Variants in MAP7D2 observed in about 807,000 individuals in gnomAD.
The protein encoded by MAP7D2 is MAP7 domain containing 2.
In MAP7D2, 33 loss-of-function variants were observed where a neutral mutation model predicts 63.5. That is an observed-to-expected ratio of 0.52 (90% CI 0.39 to 0.70). MAP7D2 has a LOEUF of 0.70. Ranked by LOEUF, MAP7D2 falls within the 30% of genes least tolerant of loss-of-function variation. MAP7D2 has a pLI of 0.00. For synonymous variants in MAP7D2, 224 were observed against 223.7 expected, an observed-to-expected ratio of 1.00 and a Z score of -0.01; for missense variants, 626 against 604.0, an observed-to-expected ratio of 1.04 and a Z score of -0.38.
At chrX:20,010,359 G>A (rs1030671151) in intron 16 of MAP7D2, among the ~76,000 whole-genome samples, 9 of 112,142 alleles carry the variant, frequency 8.0e-5, no homozygotes, top group African/African-American at 2.9e-4. Context: ...CAAATCCTGT[G>A]GCCCTGTATA....
chrX:20,088,309 T>G (rs1174093251), intron 1 of MAP7D2, among the ~76,000 whole-genome samples: 2 of 105,477 alleles, frequency 1.9e-5, no homozygotes, highest in Non-Finnish European at 3.9e-5. Context: ...TTTTTTTTTT[T>G]TGAGACGGAG....
At chrX:20,036,485 AC>A (rs1321081323) in intron 8 of MAP7D2, among the ~76,000 whole-genome samples, 1 of 105,879 alleles carries the variant, frequency 9.4e-6, no homozygotes, top group East Asian at 3.1e-4. Context: ...CTTGTGATCC[AC>A]CCACCTTGGC....
intron 1 of MAP7D2, among the ~76,000 whole-genome samples, chrX:20,104,235 A>G (rs1373829723): frequency 5.3e-5 from 6 of 112,617 alleles, no homozygotes; most frequent in African/African-American, 1.9e-4. Context: ...GAGGAGAGGA[A>G]AAAGGGAGAG....
chrX:20,101,691 T>C (rs2066441263), intron 1 of MAP7D2, among the ~76,000 whole-genome samples: 1 of 112,380 alleles, frequency 8.9e-6, no homozygotes, highest in Admixed American at 9.4e-5. Context: ...TGTGATACAG[T>C]CACACAAAGT....
chrX:20,057,583 C>T (rs2065097480), intron 3 of MAP7D2, among the ~76,000 whole-genome samples: 1 of 111,765 alleles, frequency 8.9e-6, no homozygotes, highest in Admixed American at 9.5e-5. Flanking sequence ...CTTGCTGCTG[C>T]AGTGAAGGTG....
intron 13 of MAP7D2, 97 bp downstream of exon 13, chrX:20,013,472 G>C: frequency 1.3e-6 from 1 of 783,750 alleles, no homozygotes; most frequent in Non-Finnish European, 1.8e-6. Flanking sequence ...TTTTTTTCTG[G>C]CTAATCGTCG....
intron 3 of MAP7D2, among the ~76,000 whole-genome samples, chrX:20,061,005 G>T (rs906125871): frequency 1.9e-5 from 2 of 107,422 alleles, no homozygotes; most frequent in East Asian, 6.0e-4. Flanking sequence ...AGAGAGGCAG[G>T]ATTTGGTGGG....
intron 5 of MAP7D2, among the ~76,000 whole-genome samples, chrX:20,051,231 C>T (rs1038994240): frequency 3.6e-5 from 4 of 111,323 alleles, no homozygotes; most frequent in Non-Finnish European, 7.5e-5. Context: ...AATTAGCCCA[C>T]CTCCCAGATG....
At chrX:20,093,960 G>C (rs1025966775) in intron 1 of MAP7D2, among the ~76,000 whole-genome samples, 7 of 111,288 alleles carry the variant, frequency 6.3e-5, no homozygotes, top group African/African-American at 2.3e-4. Context: ...ATAAAACCAT[G>C]TCCAAAGCAC....
intron 4 of MAP7D2, 117 bp downstream of exon 4, chrX:20,056,563 A>C: frequency 1.9e-6 from 1 of 538,662 alleles, no homozygotes; most frequent in Non-Finnish European, 3.1e-6. Flanking sequence ...GGTGCCTCTG[A>C]AAAGCTGTGC....
At chrX:20,073,234 A>G (rs2065552044) in intron 1 of MAP7D2, among the ~76,000 whole-genome samples, 1 of 112,011 alleles carries the variant, frequency 8.9e-6, no homozygotes, top group African/African-American at 3.2e-5. Flanking sequence ...TATGTGGTAC[A>G]TGTGAGTATG....
chrX:20,041,781 T>A (rs923777041), intron 8 of MAP7D2, among the ~76,000 whole-genome samples: 2 of 112,365 alleles, frequency 1.8e-5, no homozygotes, highest in Non-Finnish European at 3.8e-5. Flanking sequence ...CAGTAAAATA[T>A]TTTAATGACT....
chrX:20,041,226 T>C (rs190104019), intron 8 of MAP7D2, among the ~76,000 whole-genome samples: 7 of 111,478 alleles, frequency 6.3e-5, no homozygotes, highest in Non-Finnish European at 1.3e-4. Context: ...AAGGCTCAGA[T>C]ATAAGACAGA....
chrX:20,082,570 CA>C (rs896388671), intron 1 of MAP7D2, among the ~76,000 whole-genome samples: 13 of 112,253 alleles, frequency 1.2e-4, no homozygotes, highest in African/African-American at 4.2e-4. Flanking sequence ...TAAACAAGGA[CA>C]ATCTTCAAGG....
rs754898661 is a variant in MAP7D2, at chrX:20,063,481, C to T, written c.305G>A (p.Arg102Gln). The T allele has an allele frequency of 2.3e-5, 28 of 1,210,485 alleles. 1 individual carries two copies. Among genetic ancestry groups the T allele is most frequent in the Non-Finnish European group, 2.7e-5 (24 of 895,248 alleles). ...AGCTCTCTTTTGGTCCTCCCGCTGC[C>T]GCTGCTCTTCCAGTTTTCGCCATCG... ...EERWRKLEEQ[R>Q]QREDQKRAAV... Residue 102 changes from arginine (R) to glutamine (Q), a missense_variant, in exon 3 of 17, where the codon CGG becomes CAG. Transcript: ENST00000379643.
intron 5 of MAP7D2, among the ~76,000 whole-genome samples, chrX:20,052,103 T>C (rs2064966369): frequency 8.9e-6 from 1 of 112,497 alleles, no homozygotes; most frequent in Non-Finnish European, 1.9e-5. Context: ...AGCCTTTTGC[T>C]CTGCCCTTGG....
At chrX:20,068,050 T>C (rs34434775) in intron 1 of MAP7D2, among the ~76,000 whole-genome samples, 5,603 of 112,136 alleles carry the variant, frequency 0.05, 168 homozygotes, top group Non-Finnish European at 0.081. Flanking sequence ...GGCCTCTCCT[T>C]GCTCATGCCA....
chrX:20,047,239 A>C lies in MAP7D2; in HGVS notation c.719-2715T>G, dbSNP rs774019646. On this transcript the variant is annotated intron_variant, in intron 6 of 16. Coordinates refer to ENST00000379643, the MANE Select transcript of MAP7D2 (RefSeq NM_001168465.2). ...TGAGCACCCTGAGGCACCAGTCACC[A>C]CAGTGGGAGGCCACACTGGGAACTG... 7.3e-4 allele frequency among the ~76,000 whole-genome samples: 82 copies of C among 112,923 alleles called. 1 individual carries two copies. The highest frequency in any genetic ancestry group is 2.1e-3 in the African/African-American group (65 of 31,137).
chrX:20,074,176 T>G (rs1405266587), intron 1 of MAP7D2, among the ~76,000 whole-genome samples: 1 of 107,162 alleles, frequency 9.3e-6, no homozygotes, highest in Admixed American at 1.0e-4. Context: ...CTTTAAAACA[T>G]CAAGTGACCC....
Sources: gnomAD v4.1 joint callset for allele counts (sites outside exome capture counted in the v4.1 genomes callset) on GRCh38, gnomAD v4.1.1 for gene constraint, MANE v1.5 for transcripts, NCBI Gene and HGNC (gene_info 2026-07-23, HGNC 2026-07-21) for gene names.